Variants in SMG7 observed in about 807,000 individuals in gnomAD.
The protein encoded by SMG7 is nonsense-mediated mRNA decay factor SMG7.
SMG7 carries 34 observed loss-of-function variants against 148.2 expected under a neutral mutation model. The ratio of observed to expected loss-of-function variants is 0.23; its 90% CI spans 0.17 to 0.31. The LOEUF is 0.31. Ranked by LOEUF, SMG7 falls within the 10% of genes least tolerant of loss-of-function variation. The pLI is 1.00. For synonymous variants in SMG7, 492 were observed against 515.1 expected (o/e 0.96, Z 0.61); for missense variants, 1,114 against 1,408.4 (o/e 0.79, Z 3.35).
At chr1:183,523,329 T>C (rs1285295923) in intron 4 of SMG7, among the ~76,000 whole-genome samples, 1 of 152,166 alleles carries the variant, frequency 6.6e-6, no homozygotes, top group Non-Finnish European at 1.5e-5. Context: ...TTGTGACTAT[T>C]TGGACAAGTC....
chr1:183,483,667 A>G (rs1317451272), intron 1 of SMG7, among the ~76,000 whole-genome samples: 5 of 152,188 alleles, frequency 3.3e-5, no homozygotes, highest in African/African-American at 7.2e-5. Flanking sequence ...ATCTAATTCT[A>G]TGAAATCATA....
chr1:183,529,631 G>T, intron 8 of SMG7, 98 bp downstream of exon 8: 1 of 901,202 alleles, frequency 1.1e-6, no homozygotes, highest in Admixed American at 2.7e-5. Flanking sequence ...ACTTAACTGT[G>T]TGAACTATTG....
At chr1:183,542,874 G>A (rs1054308524) in intron 14 of SMG7, among the ~76,000 whole-genome samples, 15 of 150,724 alleles carry the variant, frequency 1.0e-4, no homozygotes, top group African/African-American at 3.7e-4. Flanking sequence ...AGAACCAAGA[G>A]TATATTAAGG....
rs1671472116 is a variant in SMG7 at position 183,553,932 on chromosome 1, T to A, written c.*2001T>A. On this transcript the variant is annotated 3_prime_UTR_variant, in exon 23 of 23. Transcript: ENST00000688051. The stretch of plus-strand genomic sequence containing the variant: ...CACTCCCAGTAATACCCAGCTCCTA[T>A]CTAAAGCCCCATTCTGCATGAGAAT... 6.6e-6 allele frequency: 1 copy of A among 152,592 alleles called. No homozygotes were observed. The highest frequency in any genetic ancestry group is 2.1e-4 in the South Asian group (1 of 4,826). The allele number at this position is 152,592 out of a possible 1,614,324, so 9.5% of individuals were successfully genotyped here. A position where few individuals can be genotyped will look rare whatever the true frequency, so the allele number is the denominator to read the frequency against.
In SMG7 at chr1:183,533,259, T is replaced by C. The variant is rs1667178073; in HGVS notation, c.939T>C (p.Asn313=). Residue 313 remains asparagine, a synonymous_variant, in exon 9 of 23, where the codon AAT becomes AAC. Transcript: ENST00000688051. Reference sequence around the variant, plus strand: ...TTCATCACCTTCGTGACTTTAGCAATGAAACCGAGCAGCACACTTATAGCC... The same window carrying C: ...TTCATCACCTTCGTGACTTTAGCAACGAAACCGAGCAGCACACTTATAGCC... ...FQLHHLRDFS[N]ETEQHTYSQD... is the part of the protein sequence containing the mutation. 1 of 1,613,926 alleles carries C rather than the reference T, an allele frequency of 6.2e-7. No homozygotes were observed. The highest frequency in any genetic ancestry group is 1.7e-5 in the Admixed American group (1 of 60,006).
At position 183,546,113 on chromosome 1, in the gene SMG7, A is replaced by G. The variant is rs1395570200; in HGVS notation, c.2518A>G (p.Met840Val). 4 of 1,613,946 alleles carry G rather than the reference A, an allele frequency of 2.5e-6. No homozygotes were observed. Among genetic ancestry groups the G allele is most frequent in the East Asian group, 2.2e-5 (1 of 44,856 alleles). Reference sequence around the variant, plus strand: ...TGAGCCGTCATTGCAACCTCCTGTAATGCAGCAGCAGCCTCTAGAAAAAAA... The same window carrying G: ...TGAGCCGTCATTGCAACCTCCTGTAGTGCAGCAGCAGCCTCTAGAAAAAAA... ...LFEPSLQPPV[M>V]QQQPLEKKMK... The change falls in exon 17 of 23, where the codon ATG (methionine) becomes GTG (valine). Residue 840 changes from methionine (M) to valine (V), a missense_variant. Physicochemically the swap from Met to Val is conservative, Grantham distance 21. Transcript: ENST00000688051.
At chr1:183,526,898 ATG>A in intron 5 of SMG7, 131 bp downstream of exon 5, 1 of 700,866 alleles carries the variant, frequency 1.4e-6, no homozygotes, top group South Asian at 4.0e-5. Context: ...AAACTATAAA[ATG>A]TATTCTAAGG....
chr1:183,487,643 C>G (rs911320664), intron 1 of SMG7, among the ~76,000 whole-genome samples: 3 of 152,210 alleles, frequency 2.0e-5, no homozygotes, highest in Non-Finnish European at 2.9e-5. Context: ...TAACACCACT[C>G]ATGCTGGCCC....
At chr1:183,481,870 A>G (rs972155194) in intron 1 of SMG7, among the ~76,000 whole-genome samples, 2 of 152,172 alleles carry the variant, frequency 1.3e-5, no homozygotes, top group Non-Finnish European at 2.9e-5. Context: ...TCTGTTGCCC[A>G]GGCTGGTTTT....
At chr1:183,545,825 C>A in intron 16 of SMG7, 141 bp from the exon 17 acceptor site, 1 of 921,544 alleles carries the variant, frequency 1.1e-6, no homozygotes, top group Non-Finnish European at 1.6e-6. Flanking sequence ...TTGAATAGCC[C>A]AAAAGGTAAA....
At chr1:183,544,759 T>C (rs1392256958) in intron 15 of SMG7, among the ~76,000 whole-genome samples, 171 bp from the exon 16 acceptor site, 1 of 152,106 alleles carries the variant, frequency 6.6e-6, no homozygotes, top group Admixed American at 6.5e-5. Context: ...AGAGGAAAAA[T>C]ATCAAGTCTA....
At position 183,529,465 on chromosome 1, in the gene SMG7, C is replaced by T; in HGVS notation, c.775C>T (p.His259Tyr). 6.2e-7 allele frequency: 1 copy of T among 1,612,962 alleles called. No homozygotes were observed. Among genetic ancestry groups the T allele is most frequent in the Non-Finnish European group, 8.5e-7 (1 of 1,179,128 alleles). The change falls in exon 8 of 23, where the codon CAT becomes TAT. Residue 259 changes from histidine to tyrosine, a missense_variant. Physicochemically the swap from His to Tyr is moderately conservative, Grantham distance 83. This residue lies in a region of SMG7 where 216 missense variants were observed against 329.1 expected (regional missense o/e 0.66). Transcript: ENST00000688051. The part of the protein sequence containing the change: ...FIKAFIKFHG[H>Y]VYLSKSLEKL... ...CAAGGCCTTTATTAAATTCCACGGT[C>T]ATGTGTACCTGAGTAAGAGCTTGGA... is the stretch of plus-strand genomic sequence containing the variant.
In SMG7 at chr1:183,533,247, T is replaced by G. The variant is rs771660348; in HGVS notation, c.927T>G (p.Arg309=). The part of the protein sequence containing the change: ...VINLFQLHHL[R]DFSNETEQHT... ...ACCTGTTTCAACTTCATCACCTTCG[T>G]GACTTTAGCAATGAAACCGAGCAGC... is the stretch of plus-strand genomic sequence containing the variant. Residue 309 remains arginine, a synonymous_variant, in exon 9 of 23, where the codon CGT becomes CGG. Coordinates refer to ENST00000688051, the MANE Select transcript of SMG7 (RefSeq NM_001375584.1). 1.3e-5 allele frequency: 21 copies of G among 1,614,018 alleles called. No individual in the cohort carries two copies. The South Asian group carries it at 2.1e-4, about 16-fold the overall frequency.
chr1:183,474,984 A>C (rs1352285943), intron 1 of SMG7, among the ~76,000 whole-genome samples: 1 of 152,204 alleles, frequency 6.6e-6, no homozygotes, highest in Non-Finnish European at 1.5e-5. Context: ...TAGCTGAGAA[A>C]ACTTAAGAGT....
chr1:183,500,296 C>G (rs1659459907), intron 1 of SMG7, among the ~76,000 whole-genome samples: 1 of 152,006 alleles, frequency 6.6e-6, no homozygotes, highest in African/African-American at 2.4e-5. Context: ...TTTCAGAGAG[C>G]CAAGTAAATG....
chr1:183,530,837 G>A (rs1224797926), intron 8 of SMG7, among the ~76,000 whole-genome samples: 7 of 152,032 alleles, frequency 4.6e-5, no homozygotes, highest in Admixed American at 6.6e-5. Context: ...CTCTGGTTCT[G>A]TGAAATACTC....
intron 4 of SMG7, among the ~76,000 whole-genome samples, 176 bp downstream of exon 4, chr1:183,517,996 G>A (rs1663936287): frequency 1.3e-5 from 2 of 152,134 alleles, no homozygotes; most frequent in Admixed American, 1.3e-4. Flanking sequence ...ACCCCAGGCT[G>A]GAGTGTAGTG....
intron 1 of SMG7, among the ~76,000 whole-genome samples, chr1:183,477,141 A>G (rs993778869): frequency 2.6e-5 from 4 of 152,212 alleles, no homozygotes; most frequent in East Asian, 3.8e-4. Context: ...AATCATAGCT[A>G]TAGGGAATAC....
chr1:183,549,672 A>G lies in SMG7; in HGVS notation c.2974-92A>G, dbSNP rs907680663. Reference sequence around the variant, plus strand: ...AAATTTCTCTTCCTAAGAAAAGCTTAAGGTGTACCAAGCATCCATGAACAA... The same window carrying G: ...AAATTTCTCTTCCTAAGAAAAGCTTGAGGTGTACCAAGCATCCATGAACAA... On this transcript the variant is annotated intron_variant, in intron 19 of 22. Coordinates refer to ENST00000688051, the MANE Select transcript of SMG7 (RefSeq NM_001375584.1). 53 of 968,398 alleles carry G rather than the reference A, an allele frequency of 5.5e-5. No individual in the cohort carries two copies. In the African/African-American group the frequency reaches 8.0e-4, roughly 15 times the overall value. 60.0% of individuals were successfully genotyped at this position (968,398 alleles called of 1,614,324 possible).
Sources: gnomAD v4.1 joint callset for allele counts (sites outside exome capture counted in the v4.1 genomes callset) on GRCh38, gnomAD v4.1.1 for gene constraint, gnomAD v4.1.1 regional missense constraint, MANE v1.5 for transcripts, NCBI Gene and HGNC (gene_info 2026-07-23, HGNC 2026-07-21) for gene names.